Variants in ADAMTS2 observed in about 807,000 individuals in gnomAD.
ADAMTS2 encodes A disintegrin and metalloproteinase with thrombospondin motifs 2.
Under a neutral mutation model 123.0 loss-of-function variants are expected in ADAMTS2, and 50 were observed. That is an observed-to-expected ratio of 0.41 (90% CI 0.32 to 0.51). The LOEUF (loss-of-function observed/expected upper bound fraction) is 0.51. Among genes scored for constraint, ADAMTS2 ranks in the 20% least tolerant of loss-of-function variants. ADAMTS2 has a pLI of 0.35. For missense variants in ADAMTS2, 1,494 were observed against 1,705.2 expected (o/e 0.88, Z 2.18); for synonymous variants, 678 against 695.4 (o/e 0.98, Z 0.39).
chr5:179,291,455 C>G, intron 2 of ADAMTS2, among the ~76,000 whole-genome samples: 1 of 152,152 alleles, frequency 6.6e-6, no homozygotes, highest in East Asian at 1.9e-4. Flanking sequence ...CCTGCAATGC[C>G]ACGACCCTTC....
chr5:179,218,924 G>T lies in ADAMTS2; in HGVS notation c.689-11209C>A, dbSNP rs536542124. ...TCAGTGGTGGACACAGAAGGTCCTGGCCTGCCCAGCACCTGCACACCCTCA... is the reference window on the plus strand; with the variant it reads ...TCAGTGGTGGACACAGAAGGTCCTGTCCTGCCCAGCACCTGCACACCCTCA... On this transcript the variant is annotated intron_variant, in intron 3 of 21. Coordinates refer to ENST00000251582, the MANE Select transcript of ADAMTS2 (RefSeq NM_014244.5). Among the ~76,000 whole-genome samples, 4 of 152,308 alleles carry T rather than the reference G, an allele frequency of 2.6e-5. 1 individual carries two copies. Among genetic ancestry groups the T allele is most frequent in the African/African-American group, 9.6e-5 (4 of 41,558 alleles).
In ADAMTS2 at chr5:179,332,991, C is replaced by T. The variant is rs544715943; in HGVS notation, c.534+10776G>A. On this transcript the variant is annotated intron_variant, in intron 2 of 21. Transcript: ENST00000251582. The surrounding 1 kb of genome is among the most constrained non-coding windows in gnomAD (Gnocchi z 4.2). ...GGAGCCCTCACCCCCTTATCCTGCC[C>T]GCTTGCCTGTGAGGACCCCTCCCTA... 1.3e-5 allele frequency among the ~76,000 whole-genome samples: 2 copies of T among 152,306 alleles called. No homozygotes were observed. The highest frequency in any genetic ancestry group is 2.1e-4 in the South Asian group (1 of 4,828).
intron 2 of ADAMTS2, among the ~76,000 whole-genome samples, chr5:179,325,003 A>T (rs1757276731): frequency 6.6e-6 from 1 of 152,188 alleles, no homozygotes; most frequent in African/African-American, 2.4e-5. Context: ...CCACCCGATC[A>T]CACCCCGACA....
intron 3 of ADAMTS2, among the ~76,000 whole-genome samples, chr5:179,269,307 T>G (rs922166008): frequency 6.6e-6 from 1 of 152,182 alleles, no homozygotes; most frequent in African/African-American, 2.4e-5. Context: ...GCATTTGTAT[T>G]AGTCCGTTTT....
At chr5:179,137,337 G>A (rs1356321774) in intron 12 of ADAMTS2, among the ~76,000 whole-genome samples, 1 of 152,258 alleles carries the variant, frequency 6.6e-6, no homozygotes, top group Non-Finnish European at 1.5e-5. Context: ...TTCTAGTGCT[G>A]AAACCGGTTG....
chr5:179,259,499 T>G (rs1391532908), intron 3 of ADAMTS2, among the ~76,000 whole-genome samples: 2 of 152,192 alleles, frequency 1.3e-5, no homozygotes, highest in African/African-American at 4.8e-5. Flanking sequence ...CCACAGGTGC[T>G]TTATGTCCAG....
rs144263746 is a variant in ADAMTS2, at chr5:179,113,589, G to A, written c.*278C>T. On this transcript the variant is annotated 3_prime_UTR_variant, in exon 22 of 22. Transcript: ENST00000251582. ...CTCTCAGAGTGATCCCTCTTGCCCTGCCCTCACTGAGGGAGGCCATACAGC... is the reference window on the plus strand; with the variant it reads ...CTCTCAGAGTGATCCCTCTTGCCCTACCCTCACTGAGGGAGGCCATACAGC... 4 of 495,264 alleles carry A rather than the reference G, an allele frequency of 8.1e-6. No individual in the cohort carries two copies. Among genetic ancestry groups the A allele is most frequent in the Middle Eastern group, 5.7e-4 (1 of 1,766 alleles). 30.7% of individuals were successfully genotyped at this position (495,264 alleles called of 1,614,324 possible).
chr5:179,279,535 C>G (rs931033284), intron 2 of ADAMTS2, among the ~76,000 whole-genome samples: 1 of 152,266 alleles, frequency 6.6e-6, no homozygotes, highest in Non-Finnish European at 1.5e-5. Flanking sequence ...GAATGACGGT[C>G]TCACAGGGAG....
At chr5:179,219,517 T>G (rs1039847738) in intron 3 of ADAMTS2, among the ~76,000 whole-genome samples, 3 of 152,180 alleles carry the variant, frequency 2.0e-5, no homozygotes, top group African/African-American at 7.2e-5. Context: ...CCTCCCAGTG[T>G]GGGGCGAGGA....
chr5:179,156,717 G>T (rs969638203), intron 6 of ADAMTS2, among the ~76,000 whole-genome samples: 1 of 151,990 alleles, frequency 6.6e-6, no homozygotes, highest in Non-Finnish European at 1.5e-5. Flanking sequence ...ATGGTTTGTT[G>T]TTCTCTAATT....
intron 5 of ADAMTS2, among the ~76,000 whole-genome samples, chr5:179,161,966 C>T (rs142568598): frequency 2.0e-5 from 3 of 152,286 alleles, no homozygotes; most frequent in African/African-American, 7.2e-5. Context: ...AGGGTGGTGG[C>T]AGGGCCCCTG....
chr5:179,283,238 T>C (rs1755877720), intron 2 of ADAMTS2, among the ~76,000 whole-genome samples: 1 of 151,946 alleles, frequency 6.6e-6, no homozygotes, highest in African/African-American at 2.4e-5. Context: ...AAAAAAAAGC[T>C]ATGTAATATA....
intron 2 of ADAMTS2, among the ~76,000 whole-genome samples, chr5:179,296,959 G>A (rs1285478615): frequency 4.6e-5 from 7 of 152,138 alleles, no homozygotes; most frequent in Non-Finnish European, 8.8e-5. Flanking sequence ...AGAGAAAACT[G>A]CAAACCCAGA....
At chr5:179,192,897 C>G (rs1764339660) in intron 4 of ADAMTS2, among the ~76,000 whole-genome samples, 1 of 152,186 alleles carries the variant, frequency 6.6e-6, no homozygotes, top group Non-Finnish European at 1.5e-5. Context: ...CTGATGCAAC[C>G]TGGGTGCTCA....
At chr5:179,123,239 C>T (rs752616274) in intron 19 of ADAMTS2, among the ~76,000 whole-genome samples, 1 of 152,190 alleles carries the variant, frequency 6.6e-6, no homozygotes, top group Non-Finnish European at 1.5e-5. Flanking sequence ...CAGCCCCCAG[C>T]ACCACCACTG....
chr5:179,339,251 A>G (rs550336041), intron 2 of ADAMTS2, among the ~76,000 whole-genome samples: 16 of 151,990 alleles, frequency 1.1e-4, no homozygotes, highest in Non-Finnish European at 1.5e-4. Context: ...CCCTCCCCCA[A>G]CTCTCACAGG....
intron 3 of ADAMTS2, among the ~76,000 whole-genome samples, chr5:179,216,661 C>G (rs981337027): frequency 2.6e-5 from 4 of 152,258 alleles, no homozygotes; most frequent in African/African-American, 9.6e-5. Context: ...GGAGACTGAT[C>G]TGCTCACCTC....
chr5:179,119,902 G>A (rs1355338199), intron 21 of ADAMTS2, among the ~76,000 whole-genome samples: 2 of 152,134 alleles, frequency 1.3e-5, no homozygotes, highest in African/African-American at 2.4e-5. Flanking sequence ...ATATTCTTGC[G>A]AGGTGCTCAT....
chr5:179,113,512 A>G lies in ADAMTS2; in HGVS notation c.*355T>C, dbSNP rs1762602587. ...TAGGGAATGTCATGCATCTCCGCCA[A>G]GGAAAGGAAGGTTCCCAATCACTGC... On this transcript the variant is annotated 3_prime_UTR_variant, in exon 22 of 22. Transcript: ENST00000251582. 1 of 324,006 alleles carries G rather than the reference A, an allele frequency of 3.1e-6. No homozygotes were observed. The highest frequency in any genetic ancestry group is 5.8e-6 in the Non-Finnish European group (1 of 171,072). 20.1% of individuals were successfully genotyped at this position (324,006 alleles called of 1,614,324 possible).
Sources: gnomAD v4.1 joint callset for allele counts (sites outside exome capture counted in the v4.1 genomes callset) on GRCh38, gnomAD v4.1.1 for gene constraint, Gnocchi (gnomAD v3.1) non-coding constraint, MANE v1.5 for transcripts, NCBI Gene and HGNC (gene_info 2026-07-23, HGNC 2026-07-21) for gene names.